Variants in CMSS1 observed in about 807,000 individuals in gnomAD.
CMSS1 encodes the protein cms1 ribosomal small subunit homolog.
In CMSS1, 33 loss-of-function variants were observed where a neutral mutation model predicts 43.5. The observed-to-expected ratio is 0.76, with a 90% CI of 0.57 to 1.01. The LOEUF (loss-of-function observed/expected upper bound fraction) is 1.01, where lower values mean the gene tolerates loss of function less well. Among genes scored for constraint, CMSS1 ranks in the 50% least tolerant of loss-of-function variants. CMSS1 has a pLI of 0.00. For missense variants in CMSS1, 313 were observed against 326.4 expected (o/e 0.96, Z 0.32); for synonymous variants, 115 against 117.2 (o/e 0.98, Z 0.12).
intron 1 of CMSS1, among the ~76,000 whole-genome samples, chr3:100,060,980 C>T (rs1297147725): frequency 2.6e-5 from 4 of 152,126 alleles, no homozygotes; most frequent in Non-Finnish European, 5.9e-5. Context: ...ATTAACCGCA[C>T]GAGGTGATGA....
chr3:99,874,522 T>C (rs1251759626), intron 1 of CMSS1: 2 of 152,228 alleles, frequency 1.3e-5, no homozygotes, highest in Non-Finnish European at 2.9e-5. Flanking sequence ...AAAATCCTAC[T>C]TCTCAGTACT....
chr3:99,984,395 C>T (rs189228311), intron 1 of CMSS1, among the ~76,000 whole-genome samples: 48 of 152,264 alleles, frequency 3.2e-4, no homozygotes, highest in African/African-American at 1.2e-3. Context: ...AATGACAGAG[C>T]AGAAACAGGA....
chr3:100,156,570 G>A (rs944409924), intron 2 of CMSS1, among the ~76,000 whole-genome samples: 1 of 151,538 alleles, frequency 6.6e-6, no homozygotes, highest in African/African-American at 2.4e-5. Context: ...GCCTCCCAAA[G>A]TGCTGGGACT....
intron 1 of CMSS1, among the ~76,000 whole-genome samples, chr3:100,078,997 C>T (rs1285853106): frequency 6.6e-6 from 1 of 152,168 alleles, no homozygotes; most frequent in East Asian, 1.9e-4. Flanking sequence ...ATGTGGCCCA[C>T]GTTGGACAAG....
At chr3:99,964,534 A>C (rs1299542535) in intron 1 of CMSS1, 1 of 152,282 alleles carries the variant, frequency 6.6e-6, no homozygotes, top group African/African-American at 2.4e-5. Flanking sequence ...GCCAAAACCC[A>C]AATCTCATTC....
At chr3:100,151,755 C>T (rs983942129) in intron 2 of CMSS1, among the ~76,000 whole-genome samples, 4 of 152,130 alleles carry the variant, frequency 2.6e-5, no homozygotes, top group Admixed American at 1.3e-4. Context: ...CCTCTGGCCC[C>T]CCAGTGACTT....
At chr3:100,062,421 T>C (rs969050364) in intron 1 of CMSS1, among the ~76,000 whole-genome samples, 1 of 152,130 alleles carries the variant, frequency 6.6e-6, no homozygotes, top group African/African-American at 2.4e-5. Flanking sequence ...TATCCTGTCT[T>C]CTTTTAACAG....
chr3:99,924,454 C>A (rs757063289), intron 1 of CMSS1: 3 of 1,544,340 alleles, frequency 1.9e-6, no homozygotes, highest in Non-Finnish European at 2.7e-6. Context: ...TGTTTATATA[C>A]TGTTGTCTTT....
chr3:100,145,261 C>T (rs1432403006), intron 1 of CMSS1, among the ~76,000 whole-genome samples: 4 of 151,882 alleles, frequency 2.6e-5, no homozygotes, highest in South Asian at 2.1e-4. Context: ...GCTAACATGG[C>T]GAATCCCTGC....
intron 1 of CMSS1, among the ~76,000 whole-genome samples, chr3:99,971,391 C>T (rs1320057580): frequency 6.6e-6 from 1 of 150,808 alleles, no homozygotes; most frequent in African/African-American, 2.4e-5. Flanking sequence ...GATCACCACA[C>T]AAGGAAAGAA....
At chr3:99,887,820 G>A (rs945672410) in intron 1 of CMSS1, among the ~76,000 whole-genome samples, 5 of 152,102 alleles carry the variant, frequency 3.3e-5, no homozygotes, top group Middle Eastern at 3.4e-3. Flanking sequence ...CTGCAGCCTC[G>A]ACCTCTTGGG....
intron 1 of CMSS1, among the ~76,000 whole-genome samples, chr3:100,076,704 C>G (rs535600328): frequency 6.6e-6 from 1 of 152,298 alleles, no homozygotes; most frequent in South Asian, 2.1e-4. Context: ...TGTTTGACTT[C>G]ACCTCTGTTT....
intron 1 of CMSS1, among the ~76,000 whole-genome samples, chr3:99,870,527 A>C (rs1020357242): frequency 2.0e-5 from 3 of 152,206 alleles, no homozygotes; most frequent in Non-Finnish European, 4.4e-5. Context: ...TAGTGATCTT[A>C]GTCCTTGTCA....
rs1251640810 is a variant in CMSS1, at chr3:100,180,840, A to AT, written c.*2457dup. ...TGGTACCAATTTTTTGTATTCTTCC[A>AT]TTTTTACACTGCTATGAAGAACTAC... On this transcript the variant is annotated 3_prime_UTR_variant, in exon 10 of 10. Transcript: ENST00000421999. 1.3e-5 allele frequency: 2 copies of AT among 152,160 alleles called. No homozygotes were observed. Among genetic ancestry groups the AT allele is most frequent in the East Asian group, 3.9e-4 (2 of 5,188 alleles). The allele number at this position is 152,160 out of a possible 1,614,324, so 9.4% of individuals were successfully genotyped here. A position where few individuals can be genotyped will look rare whatever the true frequency, so the allele number is the denominator to read the frequency against.
intron 1 of CMSS1, among the ~76,000 whole-genome samples, chr3:99,966,544 A>G (rs776799487): frequency 2.0e-5 from 3 of 152,326 alleles, no homozygotes; most frequent in Non-Finnish European, 4.4e-5. Context: ...ACTCATCACT[A>G]ACAATTAACT....
At chr3:100,087,832 C>CTTTTT (rs755041519) in intron 1 of CMSS1, among the ~76,000 whole-genome samples, 16 of 114,104 alleles carry the variant, frequency 1.4e-4, no homozygotes, top group South Asian at 3.0e-4. Context: ...ATTGTTTCAA[C>CTTTTT]TTTTTTTTTT....
intron 1 of CMSS1, among the ~76,000 whole-genome samples, chr3:99,911,830 T>C (rs184375344): frequency 5.7e-4 from 87 of 152,296 alleles, no homozygotes; most frequent in African/African-American, 1.9e-3. Context: ...TCATTATTTT[T>C]TTTTCCTAGT....
intron 1 of CMSS1, among the ~76,000 whole-genome samples, chr3:100,005,080 G>T (rs987622113): frequency 1.3e-5 from 2 of 152,180 alleles, no homozygotes; most frequent in Admixed American, 6.5e-5. Context: ...GCCAGTAAAG[G>T]TTCAACTCTT....
At chr3:99,958,215 T>TATG (rs1708392236) in intron 1 of CMSS1, among the ~76,000 whole-genome samples, 1 of 135,970 alleles carries the variant, frequency 7.4e-6, no homozygotes, top group South Asian at 2.2e-4. Context: ...TTATTATTAT[T>TATG]ATTATTATTA....
Sources: allele counts gnomAD v4.1 joint callset (sites outside exome capture counted in the v4.1 genomes callset), GRCh38; gene constraint gnomAD v4.1.1; transcripts MANE v1.5; gene names NCBI Gene and HGNC (gene_info 2026-07-23, HGNC 2026-07-21).